Variants in SNX29 observed in about 807,000 individuals in gnomAD.
SNX29 encodes sorting nexin-29.
A neutral mutation model predicts 102.1 loss-of-function variants in SNX29; 78 were observed. The observed-to-expected ratio is 0.76, with a 90% CI of 0.64 to 0.92. SNX29 has a LOEUF of 0.92. Ranked by LOEUF, SNX29 falls within the 40% of genes least tolerant of loss-of-function variation. The pLI is 0.00. For missense variants in SNX29, 1,280 were observed against 1,061.7 expected (o/e 1.21, Z -2.86); for synonymous variants, 580 against 414.5 (o/e 1.40, Z -4.85).
intron 14 of SNX29, among the ~76,000 whole-genome samples, chr16:12,223,940 C>A (rs1045114328): frequency 1.3e-5 from 2 of 152,078 alleles, no homozygotes; most frequent in South Asian, 4.2e-4. Context: ...GAAACGTAGC[C>A]TCGGAGGGGT....
intron 11 of SNX29, among the ~76,000 whole-genome samples, chr16:12,123,242 A>G (rs2054054626): frequency 6.6e-6 from 1 of 152,172 alleles, no homozygotes; most frequent in Non-Finnish European, 1.5e-5. Flanking sequence ...ATGAACATAT[A>G]CGCCACCTCC....
chr16:12,232,120 G>C (rs1234091871), intron 14 of SNX29, among the ~76,000 whole-genome samples: 4 of 152,158 alleles, frequency 2.6e-5, no homozygotes, highest in African/African-American at 9.6e-5. Flanking sequence ...TAGGCACTTG[G>C]ACAGCCCATA....
chr16:12,328,259 C>T (rs1042222729), intron 15 of SNX29, among the ~76,000 whole-genome samples: 1 of 152,226 alleles, frequency 6.6e-6, no homozygotes, highest in Non-Finnish European at 1.5e-5. Context: ...GTATTACCCT[C>T]AGCCAGCGAT....
intron 14 of SNX29, among the ~76,000 whole-genome samples, chr16:12,252,326 A>T (rs567038014): frequency 6.6e-6 from 1 of 152,274 alleles, no homozygotes; most frequent in Non-Finnish European, 1.5e-5. Flanking sequence ...GAGTTGCCAG[A>T]GAAGTCTGGT....
chr16:12,126,594 G>T (rs752125287), intron 11 of SNX29, 39 bp from the exon 12 acceptor site: 1 of 1,608,766 alleles, frequency 6.2e-7, no homozygotes, highest in African/African-American at 1.3e-5. Context: ...TAACAGGCAA[G>T]ACCTGCCAAT....
intron 13 of SNX29, among the ~76,000 whole-genome samples, chr16:12,188,531 A>G (rs1395497578): frequency 1.3e-5 from 2 of 152,136 alleles, no homozygotes; most frequent in Non-Finnish European, 2.9e-5. Flanking sequence ...CATTGCACCC[A>G]GGATATTTTG....
intron 18 of SNX29, among the ~76,000 whole-genome samples, chr16:12,461,975 AAAAATATATATATATATATATATAT>A (rs2086801772): frequency 4.7e-5 from 3 of 63,416 alleles, no homozygotes; most frequent in South Asian, 6.5e-4. Flanking sequence ...AAAAAAAAAA[AAAAATATATATATATATATATATAT>A]ATATATATAT....
At chr16:12,360,494 T>G (rs1469891097) in intron 16 of SNX29, among the ~76,000 whole-genome samples, 1 of 152,216 alleles carries the variant, frequency 6.6e-6, no homozygotes, top group African/African-American at 2.4e-5. Flanking sequence ...GTTTCAGGTT[T>G]GGTTTTTTGC....
intron 20 of SNX29, among the ~76,000 whole-genome samples, chr16:12,534,172 G>C (rs933869490): frequency 1.3e-5 from 2 of 152,258 alleles, no homozygotes; most frequent in Non-Finnish European, 2.9e-5. Flanking sequence ...CTGCGGTTCT[G>C]ACTGAGGTCT....
chr16:12,357,548 C>A lies in SNX29; in HGVS notation c.1899+1269C>A, dbSNP rs117737590. ...AAAAATTAGGGTAAAATATACCTAA[C>A]ATAACTTGTACCATTTTAACCATCG... On this transcript the variant is annotated intron_variant, in intron 16 of 20. Coordinates refer to ENST00000566228, the MANE Select transcript of SNX29 (RefSeq NM_032167.5). Among the ~76,000 whole-genome samples, 627 of 152,308 alleles carry A rather than the reference C, an allele frequency of 4.1e-3. 1 individual carries two copies. The highest frequency in any genetic ancestry group is 6.8e-3 in the Non-Finnish European group (466 of 68,032).
At chr16:12,293,728 A>G (rs1047958811) in intron 15 of SNX29, among the ~76,000 whole-genome samples, 3 of 152,182 alleles carry the variant, frequency 2.0e-5, no homozygotes, top group Non-Finnish European at 2.9e-5. Context: ...TGAACAGATT[A>G]AAAAAATAAA....
At chr16:12,208,688 A>T (rs185425791) in intron 14 of SNX29, among the ~76,000 whole-genome samples, 12 of 152,164 alleles carry the variant, frequency 7.9e-5, no homozygotes, top group Non-Finnish European at 1.5e-4. Flanking sequence ...CAGTTAAAAA[A>T]AAATTGGCCA....
At chr16:12,195,492 A>G (rs182875470) in intron 13 of SNX29, among the ~76,000 whole-genome samples, 1 of 152,294 alleles carries the variant, frequency 6.6e-6, no homozygotes, top group Non-Finnish European at 1.5e-5. Context: ...TGAGATGCCT[A>G]AGGGGGTTGG....
rs573179042 is a variant in SNX29 at position 12,139,566 on chromosome 16, C to T, written c.1595+9808C>T. On this transcript the variant is annotated intron_variant, in intron 13 of 20. Transcript: ENST00000566228. ...TGTTCTCCTCCTGTTGGCATCTTCT[C>T]TTGGCACAAAGCAGCCAGTTAGGCT... Among the ~76,000 whole-genome samples, 5 of 152,356 alleles carry T rather than the reference C, an allele frequency of 3.3e-5. No homozygotes were observed. In the East Asian group the frequency reaches 9.6e-4, roughly 29 times the overall value.
rs542031331 is a variant in SNX29 at position 12,572,377 on chromosome 16, G to C, written c.*3748G>C. The C allele has an allele frequency of 1.9e-6, 2 of 1,062,990 alleles. No homozygotes were observed. The highest frequency in any genetic ancestry group is 1.1e-4 in the Admixed American group (2 of 18,652). The allele number at this position is 1,062,990 out of a possible 1,614,324, so 65.8% of individuals were successfully genotyped here. A position where few individuals can be genotyped will look rare whatever the true frequency, so the allele number is the denominator to read the frequency against. Reference sequence around the variant, plus strand: ...ACAGCAGGCTCTGCCTTCTGGAGGCGGCTTATATCCCAACAGCCTGAGGCA... The same window carrying C: ...ACAGCAGGCTCTGCCTTCTGGAGGCCGCTTATATCCCAACAGCCTGAGGCA... On this transcript the variant is annotated 3_prime_UTR_variant, in exon 21 of 21. Coordinates refer to ENST00000566228, the MANE Select transcript of SNX29 (RefSeq NM_032167.5).
intron 14 of SNX29, among the ~76,000 whole-genome samples, chr16:12,235,819 G>A (rs1294443834): frequency 6.6e-6 from 1 of 151,896 alleles, no homozygotes; most frequent in African/African-American, 2.4e-5. Flanking sequence ...GTATGTGTAT[G>A]TGTGTGTGTG....
chr16:12,184,765 T>TG (rs1320685306), intron 13 of SNX29, among the ~76,000 whole-genome samples: 1 of 152,214 alleles, frequency 6.6e-6, no homozygotes, highest in African/African-American at 2.4e-5. Flanking sequence ...CCCCAAGGCA[T>TG]GGGCTGGAAT....
intron 14 of SNX29, among the ~76,000 whole-genome samples, chr16:12,219,329 A>T (rs548676604): frequency 1.3e-5 from 2 of 151,978 alleles, no homozygotes; most frequent in African/African-American, 4.8e-5. Context: ...GGCCCACAGT[A>T]AGAAATACTC....
At chr16:12,491,979 G>A (rs939483908) in intron 19 of SNX29, among the ~76,000 whole-genome samples, 22 of 152,224 alleles carry the variant, frequency 1.4e-4, no homozygotes, top group African/African-American at 3.6e-4. Flanking sequence ...GAATAGTGCC[G>A]CAATAAACAT....
Sources: allele counts gnomAD v4.1 joint callset (sites outside exome capture counted in the v4.1 genomes callset), GRCh38; gene constraint gnomAD v4.1.1; transcripts MANE v1.5; gene names NCBI Gene and HGNC (gene_info 2026-07-23, HGNC 2026-07-21).